The following CDH23 variants were observed in gnomAD, a reference collection of about 807,000 sequenced individuals.
CDH23 encodes cadherin-23.
In CDH23, 189 loss-of-function variants were observed where a neutral mutation model predicts 317.1. The observed-to-expected ratio is 0.60, with a 90% CI of 0.53 to 0.67. The LOEUF is 0.67. Ranked by LOEUF, CDH23 falls within the 30% of genes least tolerant of loss-of-function variation. The probability of loss-of-function intolerance (pLI) is 0.00; values close to 1 mark genes in which losing one functional copy is unlikely to be tolerated. For missense variants in CDH23, 4,401 were observed against 4,592.4 expected, an observed-to-expected ratio of 0.96 and a Z score of 1.20; for synonymous variants, 1,839 against 1,876.8, an observed-to-expected ratio of 0.98 and a Z score of 0.52.
chr10:71,657,153 A>G (rs1665687), intron 14 of CDH23, among the ~76,000 whole-genome samples: 124,236 of 152,210 alleles, frequency 0.82, 51,132 homozygotes, highest in African/African-American at 0.89. Flanking sequence ...TGGGCCCTGC[A>G]CCATCCCGAA....
intron 9 of CDH23, among the ~76,000 whole-genome samples, chr10:71,593,729 G>A (rs1274346230): frequency 6.6e-6 from 1 of 152,208 alleles, no homozygotes; most frequent in Admixed American, 6.5e-5. Context: ...AACGCAAATG[G>A]TAACTGCAGT....
At chr10:71,781,452 A>G (rs1840951330) in intron 41 of CDH23, among the ~76,000 whole-genome samples, 1 of 152,218 alleles carries the variant, frequency 6.6e-6, no homozygotes, top group Non-Finnish European at 1.5e-5. Flanking sequence ...CCTGGAGCAC[A>G]GGAGGATGCC....
rs1168589071 is a variant in CDH23, at chr10:71,617,280, A to G, written c.1021A>G (p.Ile341Val). Residue 341 changes from isoleucine to valine, a missense_variant, in exon 11 of 70, where the codon ATC (isoleucine) becomes GTC (valine). Coordinates refer to ENST00000224721, the MANE Select transcript of CDH23 (RefSeq NM_022124.6). ...GACCTTCAATATCCTGGTTATTGACATCAATGACAATGCCCCGGAGTTCAA... is the reference window on the plus strand; with the variant it reads ...GACCTTCAATATCCTGGTTATTGACGTCAATGACAATGCCCCGGAGTTCAA... Reference protein sequence around the residue: ...TTTFNILVIDINDNAPEFNSS... With the variant: ...TTTFNILVIDVNDNAPEFNSS... 1.9e-6 allele frequency: 3 copies of G among 1,613,894 alleles called. No individual in the cohort carries two copies. The highest frequency in any genetic ancestry group is 2.5e-6 in the Non-Finnish European group (3 of 1,179,894).
Position 71,480,317 on chromosome 10 carries a change from G to A in CDH23, c.146-29765G>A, listed in dbSNP as rs190883132. On this transcript the variant is annotated intron_variant, in intron 3 of 69. Coordinates refer to ENST00000224721, the MANE Select transcript of CDH23 (RefSeq NM_022124.6). ...GTCCTTACCCCAGTCTGGCCCTATCGTTTCTGCAGCAGTTTATTCAACAAG... is the reference window on the plus strand; with the variant it reads ...GTCCTTACCCCAGTCTGGCCCTATCATTTCTGCAGCAGTTTATTCAACAAG... Among the ~76,000 whole-genome samples the A allele has an allele frequency of 3.0e-3, 455 of 152,358 alleles. 2 individuals carry two copies. Among genetic ancestry groups the A allele is most frequent in the African/African-American group, 9.6e-3 (399 of 41,588 alleles).
chr10:71,645,826 C>T lies in CDH23; in HGVS notation c.1141-5C>T. ...TGACTGGCTTCTTCTGCACTCTTGA[C>T]CCAGGGCCTGAACAGCATGTTTGAG... On this transcript the variant is annotated splice_region_variant and splice_polypyrimidine_tract_variant and intron_variant, in intron 12 of 69. Transcript: ENST00000224721. The T allele has an allele frequency of 1.2e-6, 2 of 1,607,992 alleles. No individual in the cohort carries two copies. Among genetic ancestry groups the T allele is most frequent in the Non-Finnish European group, 8.5e-7 (1 of 1,175,178 alleles).
chr10:71,631,070 C>T (rs1047656467), intron 11 of CDH23, among the ~76,000 whole-genome samples: 3 of 152,148 alleles, frequency 2.0e-5, no homozygotes, highest in Non-Finnish European at 2.9e-5. Context: ...ATACTGAGAC[C>T]CCCATCTCTA....
intron 3 of CDH23, among the ~76,000 whole-genome samples, chr10:71,507,694 C>A (rs1157948342): frequency 6.6e-6 from 1 of 152,078 alleles, no homozygotes; most frequent in Non-Finnish European, 1.5e-5. Context: ...ACCCTGCCAC[C>A]CAAAAAATAA....
At chr10:71,562,628 C>T (rs1400354247) in intron 6 of CDH23, among the ~76,000 whole-genome samples, 1 of 152,200 alleles carries the variant, frequency 6.6e-6, no homozygotes, top group Non-Finnish European at 1.5e-5. Flanking sequence ...AGCTGAGACC[C>T]ATGCAGGCCA....
At chr10:71,503,224 A>G (rs1853436061) in intron 3 of CDH23, among the ~76,000 whole-genome samples, 1 of 152,228 alleles carries the variant, frequency 6.6e-6, no homozygotes, top group Non-Finnish European at 1.5e-5. Flanking sequence ...TCCTACCTCC[A>G]AGATGGGGTA....
At chr10:71,515,357 TTC>T (rs3059687) in intron 6 of CDH23, among the ~76,000 whole-genome samples, 29,700 of 125,824 alleles carry the variant, frequency 0.24, 4,251 homozygotes, top group Admixed American at 0.37. Context: ...ACCTGTCTGT[TTC>T]TCTCTCTCTC....
At chr10:71,778,394 G>A in intron 40 of CDH23, 86 bp downstream of exon 40, 6 of 1,538,274 alleles carry the variant, frequency 3.9e-6, no homozygotes, top group Non-Finnish European at 5.3e-6. Flanking sequence ...GAAGGGGTTA[G>A]GGGAAGATTG....
intron 11 of CDH23, among the ~76,000 whole-genome samples, chr10:71,640,323 C>T (rs746313625): frequency 6.6e-6 from 1 of 152,228 alleles, no homozygotes; most frequent in South Asian, 2.1e-4. Flanking sequence ...TCTGCTCATC[C>T]ACCATACCTT....
chr10:71,525,482 G>A (rs1362433525), intron 6 of CDH23, among the ~76,000 whole-genome samples: 2 of 152,180 alleles, frequency 1.3e-5, no homozygotes, highest in Non-Finnish European at 2.9e-5. Context: ...GGAAGCTGGT[G>A]GTTTTTGGGA....
At chr10:71,657,107 G>A (rs1480362701) in intron 14 of CDH23, among the ~76,000 whole-genome samples, 2 of 152,208 alleles carry the variant, frequency 1.3e-5, no homozygotes, top group Admixed American at 1.3e-4. Flanking sequence ...AGGCCAGCAA[G>A]GTGCATGCGT....
intron 47 of CDH23, among the ~76,000 whole-genome samples, chr10:71,792,944 C>T (rs890948591): frequency 7.0e-6 from 1 of 143,756 alleles, no homozygotes; most frequent in African/African-American, 2.6e-5. Flanking sequence ...CAAAAGCAGA[C>T]CATTTGCAGA....
At chr10:71,484,591 G>T (rs983603421) in intron 3 of CDH23, among the ~76,000 whole-genome samples, 2 of 152,190 alleles carry the variant, frequency 1.3e-5, no homozygotes, top group African/African-American at 2.4e-5. Flanking sequence ...GTCAGAGCCC[G>T]GCCCTGCTCT....
At chr10:71,454,831 T>G (rs1850608660) in intron 3 of CDH23, among the ~76,000 whole-genome samples, 4 of 139,668 alleles carry the variant, frequency 2.9e-5, no homozygotes, top group African/African-American at 1.1e-4. Context: ...CATACTATAT[T>G]TTTTTTACAT....
rs771622289 is a variant in CDH23 at position 71,784,429 on chromosome 10, G to T, written c.5502+9G>T. The T allele has an allele frequency of 1.2e-6, 2 of 1,610,654 alleles. No individual in the cohort carries two copies. The highest frequency in any genetic ancestry group is 1.7e-6 in the Non-Finnish European group (2 of 1,178,114). The stretch of plus-strand genomic sequence containing the variant: ...CCCCACTCAGCTCCACAGTGAGTCT[G>T]GGGGCCCCACCCGCTGGCTTCACCT... On this transcript the variant is annotated intron_variant, in intron 42 of 69. Coordinates refer to ENST00000224721, the MANE Select transcript of CDH23 (RefSeq NM_022124.6).
intron 18 of CDH23, among the ~76,000 whole-genome samples, chr10:71,685,588 A>G (rs1352553243): frequency 6.6e-6 from 1 of 152,242 alleles, no homozygotes; most frequent in Non-Finnish European, 1.5e-5. Context: ...GTGCCCTGGC[A>G]TGAAACCACA....
Sources: gnomAD v4.1 joint callset for allele counts (sites outside exome capture counted in the v4.1 genomes callset) on GRCh38, gnomAD v4.1.1 for gene constraint, MANE v1.5 for transcripts, NCBI Gene and HGNC (gene_info 2026-07-23, HGNC 2026-07-21) for gene names.